Variants in EDRF1 observed in about 807,000 individuals in gnomAD.
The protein encoded by EDRF1 is erythroid differentiation-related factor 1.
In EDRF1, 69 loss-of-function variants were observed where a neutral mutation model predicts 148.7. The observed-to-expected ratio is 0.46, with a 90% CI of 0.38 to 0.57. The LOEUF (loss-of-function observed/expected upper bound fraction) is 0.57. EDRF1 is among the 20% of genes least tolerant of loss of function. EDRF1 has a pLI of 0.00. For synonymous variants in EDRF1, 515 were observed against 532.8 expected (o/e 0.97, Z 0.46); for missense variants, 1,118 against 1,478.7 (o/e 0.76, Z 4.00).
intron 18 of EDRF1, among the ~76,000 whole-genome samples, chr10:125,743,734 G>A (rs1849159689): frequency 6.6e-6 from 1 of 152,216 alleles, no homozygotes; most frequent in African/African-American, 2.4e-5. Flanking sequence ...GCAGGGTGAT[G>A]CAGGATGTGT....
chr10:125,734,671 G>T (rs924790513), intron 12 of EDRF1, among the ~76,000 whole-genome samples: 3 of 151,960 alleles, frequency 2.0e-5, no homozygotes, highest in Non-Finnish European at 4.4e-5. Flanking sequence ...CACACTTCAG[G>T]ATATTAAAGC....
chr10:125,740,300 A>G (rs1156228544), intron 15 of EDRF1, among the ~76,000 whole-genome samples, 163 bp from the exon 16 acceptor site: 2 of 152,208 alleles, frequency 1.3e-5, no homozygotes, highest in African/African-American at 4.8e-5. Context: ...GTCTTTTAAC[A>G]CGGCCATTTC....
intron 24 of EDRF1, among the ~76,000 whole-genome samples, chr10:125,754,297 G>A (rs1007657869): frequency 1.3e-5 from 2 of 152,132 alleles, no homozygotes; most frequent in African/African-American, 2.4e-5. Context: ...ATTTTAAGTG[G>A]TGTTCCTTCT....
chr10:125,745,624 C>T (rs983027357), intron 18 of EDRF1, 83 bp from the exon 19 acceptor site: 3 of 1,426,100 alleles, frequency 2.1e-6, no homozygotes, highest in African/African-American at 2.8e-5. Context: ...CACTGCCATC[C>T]TCCTCTTATC....
chr10:125,751,319 G>C (rs908372392), intron 22 of EDRF1, among the ~76,000 whole-genome samples: 1 of 151,802 alleles, frequency 6.6e-6, no homozygotes, highest in Non-Finnish European at 1.5e-5. Flanking sequence ...AGAGGGTTTT[G>C]TTAGCCAGGT....
chr10:125,738,276 G>A lies in EDRF1; in HGVS notation c.1831-19G>A, dbSNP rs778970685. The A allele has an allele frequency of 1.2e-6, 2 of 1,613,968 alleles. No homozygotes were observed. Among genetic ancestry groups the A allele is most frequent in the Non-Finnish European group, 1.7e-6 (2 of 1,179,910 alleles). On this transcript the variant is annotated intron_variant, in intron 14 of 24. Coordinates refer to ENST00000356792, the MANE Select transcript of EDRF1 (RefSeq NM_001202438.2). ...ACCTGAAGTTAGATAGATAGTGAATGCTTTTCCTTTTTTTGCAGGGTTTAA... is the reference window on the plus strand; with the variant it reads ...ACCTGAAGTTAGATAGATAGTGAATACTTTTCCTTTTTTTGCAGGGTTTAA...
rs11244632 is a variant in EDRF1 at position 125,748,205 on chromosome 10, T to A, written c.3123+193T>A. On this transcript the variant is annotated intron_variant, in intron 21 of 24. Transcript: ENST00000356792. ...AACAATATGTCCGCATTGTGCTCCATGTTGAGCATGGGAAAACGAATCCGC... is the reference window on the plus strand; with the variant it reads ...AACAATATGTCCGCATTGTGCTCCAAGTTGAGCATGGGAAAACGAATCCGC... The A allele has an allele frequency of 4.4e-6, 3 of 674,922 alleles. No homozygotes were observed. In the Admixed American group the frequency reaches 6.9e-5, roughly 16 times the overall value. The allele number at this position is 674,922 out of a possible 1,614,324, so 41.8% of individuals were successfully genotyped here.
At chr10:125,747,369 A>G (rs1050381892) in intron 19 of EDRF1, 167 bp from the exon 20 acceptor site, 3 of 791,864 alleles carry the variant, frequency 3.8e-6, no homozygotes, top group Non-Finnish European at 2.0e-6. Context: ...CTTCATTGAA[A>G]TATTTTCATT....
chr10:125,761,452 G>A (rs183009609), intron 24 of EDRF1: 7 of 183,932 alleles, frequency 3.8e-5, no homozygotes, highest in Admixed American at 3.8e-4. Context: ...AAAAGTAGAA[G>A]TAATCTCTGA....
In EDRF1 at chr10:125,753,123, T is replaced by C. The variant is rs138343713; in HGVS notation, c.3393+209T>C. Among the ~76,000 whole-genome samples the C allele has an allele frequency of 5.1e-4, 77 of 152,362 alleles. 1 individual carries two copies. The East Asian group carries it at 0.012, about 23-fold the overall frequency. On this transcript the variant is annotated intron_variant, in intron 23 of 24. Coordinates refer to ENST00000356792, the MANE Select transcript of EDRF1 (RefSeq NM_001202438.2). ...ATTTGCAAGTATTTTAAAATATTTT[T>C]AAGAATATATCTCAACAAGACCATA...
chr10:125,758,781 C>G (rs926037788), intron 24 of EDRF1, among the ~76,000 whole-genome samples: 2 of 152,144 alleles, frequency 1.3e-5, no homozygotes, highest in African/African-American at 4.8e-5. Flanking sequence ...GCCTTTTCGC[C>G]TGTTTGGGAG....
intron 9 of EDRF1, among the ~76,000 whole-genome samples, chr10:125,732,823 C>G (rs778683338): frequency 1.3e-5 from 2 of 152,090 alleles, no homozygotes; most frequent in African/African-American, 4.8e-5. Context: ...TGCAAAGGCA[C>G]TTTTAAAATA....
chr10:125,752,414 G>A (rs192761834), intron 22 of EDRF1, among the ~76,000 whole-genome samples: 45 of 152,324 alleles, frequency 3.0e-4, no homozygotes, highest in Non-Finnish European at 6.0e-4. Context: ...GAACAGAGAT[G>A]TAATAAACTA....
chr10:125,744,934 AACAGCATTT>A (rs1849263225), intron 18 of EDRF1: 1 of 152,330 alleles, frequency 6.6e-6, no homozygotes, highest in Non-Finnish European at 1.5e-5. Flanking sequence ...GTAAGAGATT[AACAGCATTT>A]ACAACAGTAT....
Position 125,757,388 on chromosome 10 carries a change from C to T in EDRF1, c.3545+3543C>T, listed in dbSNP as rs1406917214. On this transcript the variant is annotated intron_variant, in intron 24 of 24. Coordinates refer to ENST00000356792, the MANE Select transcript of EDRF1 (RefSeq NM_001202438.2). ...TCTAACAGTAGACTCCCAATTCCTTCCTCCCGTCTTTTGTACTGTTATTAT... is the reference window on the plus strand; with the variant it reads ...TCTAACAGTAGACTCCCAATTCCTTTCTCCCGTCTTTTGTACTGTTATTAT... Among the ~76,000 whole-genome samples the T allele has an allele frequency of 2.6e-5, 4 of 152,206 alleles. No homozygotes were observed. In the East Asian group the frequency reaches 5.8e-4, roughly 22 times the overall value.
intron 8 of EDRF1, 137 bp from the exon 9 acceptor site, chr10:125,730,151 T>C (rs567014724): frequency 1.0e-5 from 7 of 668,392 alleles, no homozygotes; most frequent in African/African-American, 7.2e-5. Flanking sequence ...GCATATCTTA[T>C]CAGAAAAGAA....
Position 125,741,002 on chromosome 10 carries a change from T to TA in EDRF1, c.2173dup (p.Thr725AsnfsTer26). Reference sequence around the variant, plus strand: ...CTTCTTCCCTCCCTTTCTAAACAGATACTTATTGCTGCCTCTGCACCAATA... The same window carrying TA: ...CTTCTTCCCTCCCTTTCTAAACAGATAACTTATTGCTGCCTCTGCACCAATA... On this transcript the variant is annotated frameshift_variant and splice_region_variant, in exon 17 of 25. Transcript: ENST00000356792. LOFTEE classifies it high-confidence loss of function. 1 of 1,613,952 alleles carries TA rather than the reference T, an allele frequency of 6.2e-7. No homozygotes were observed. Among genetic ancestry groups the TA allele is most frequent in the Non-Finnish European group, 8.5e-7 (1 of 1,179,986 alleles).
intron 19 of EDRF1, 132 bp downstream of exon 19, chr10:125,746,062 C>G: frequency 8.8e-6 from 7 of 791,828 alleles, no homozygotes; most frequent in Non-Finnish European, 1.5e-5. Flanking sequence ...CCAGACAGAT[C>G]GTGAAAACAC....
chr10:125,729,574 A>G (rs1204712646), intron 8 of EDRF1, 95 bp downstream of exon 8: 1 of 1,491,872 alleles, frequency 6.7e-7, no homozygotes, highest in East Asian at 2.3e-5. Flanking sequence ...GTGAGCCAAG[A>G]TCATGCTACC....
Sources: allele counts gnomAD v4.1 joint callset (sites outside exome capture counted in the v4.1 genomes callset), GRCh38; gene constraint gnomAD v4.1.1; transcripts MANE v1.5; gene names NCBI Gene and HGNC (gene_info 2026-07-23, HGNC 2026-07-21).